Variants in MCM3AP observed in about 807,000 individuals in gnomAD.
MCM3AP encodes minichromosome maintenance complex component 3 associated protein, also known as germinal-center associated nuclear protein.
Under a neutral mutation model 184.1 loss-of-function variants are expected in MCM3AP, and 126 were observed. The ratio of observed to expected loss-of-function variants is 0.68; its 90% CI spans 0.59 to 0.79. The LOEUF (loss-of-function observed/expected upper bound fraction) is 0.79. Ranked by LOEUF, MCM3AP falls within the 30% of genes least tolerant of loss-of-function variation. MCM3AP has a pLI of 0.00. For synonymous variants in MCM3AP, 1,002 were observed against 979.3 expected, an observed-to-expected ratio of 1.02 and a Z score of -0.43; for missense variants, 2,496 against 2,479.2, an observed-to-expected ratio of 1.01 and a Z score of -0.14.
chr21:46,264,156 A>G lies in MCM3AP; in HGVS notation c.3296T>C (p.Val1099Ala), dbSNP rs2081077653. The change falls in exon 13 of 28, where the codon GTT (valine) becomes GCT (alanine). Residue 1099 changes from valine to alanine, a missense_variant. By Grantham distance (64) the Val-to-Ala change is moderately conservative. This residue lies in a region of MCM3AP where 1,323 missense variants were observed against 1,273.4 expected (regional missense o/e 1.04). Coordinates refer to ENST00000291688, the MANE Select transcript of MCM3AP (RefSeq NM_003906.5). Reference sequence around the variant, plus strand: ...TGCGTAGGCAGCACCCGCAGAGCCAACTTCCTCACAGTCCCTCTGCAGGGC... The same window carrying G: ...TGCGTAGGCAGCACCCGCAGAGCCAGCTTCCTCACAGTCCCTCTGCAGGGC... ...QEALQRDCEEVGSAGAAYAAA... is the reference protein window; with the variant it reads ...QEALQRDCEEAGSAGAAYAAA... 1.2e-6 allele frequency: 2 copies of G among 1,613,846 alleles called. No homozygotes were observed. Among genetic ancestry groups the G allele is most frequent in the Middle Eastern group, 1.7e-4 (1 of 6,042 alleles).
chr21:46,244,944 G>A lies in MCM3AP; in HGVS notation c.4901C>T (p.Pro1634Leu), dbSNP rs1407151353. ...CCCTGCCTCAGCAAACTCAGTGACA[G>A]GCCAGGACAGGTCACACAGCTGTTC... is the stretch of plus-strand genomic sequence containing the variant. ...SSEQLCDLSW[P>L]VTEFAEAGGS... The change falls in exon 23 of 28, where the codon CCT becomes CTT. Residue 1634 changes from proline to leucine, a missense_variant. Pro to Leu is a moderately conservative substitution (Grantham distance 98). Around this residue, in one of 5 missense-constraint regions of MCM3AP, gnomAD observed 1,323 missense variants for 1,273.4 expected, o/e 1.04. Transcript: ENST00000291688. 1.9e-6 allele frequency: 3 copies of A among 1,614,106 alleles called. No homozygotes were observed. The highest frequency in any genetic ancestry group is 2.5e-6 in the Non-Finnish European group (3 of 1,180,060).
rs1331635634 is a variant in MCM3AP, at chr21:46,266,134, T to C, written c.2822A>G (p.Glu941Gly). Reference protein sequence around the residue: ...CVELNRSAFLEPEGLSKTRKS... With the variant: ...CVELNRSAFLGPEGLSKTRKS... ...CCTGGTCTTGGATAATCCCTCTGGT[T>C]CCAGGAATGCAGACCGGTTCAGCTC... Residue 941 changes from glutamate (E) to glycine (G), a missense_variant, in exon 11 of 28, where the codon GAA becomes GGA. Around this residue, in one of 5 missense-constraint regions of MCM3AP, gnomAD observed 138 missense variants for 191.9 expected, o/e 0.72. Transcript: ENST00000291688. 1 of 1,611,468 alleles carries C rather than the reference T, an allele frequency of 6.2e-7. No individual in the cohort carries two copies. Among genetic ancestry groups the C allele is most frequent in the South Asian group, 1.1e-5 (1 of 89,934 alleles).
intron 12 of MCM3AP, 43 bp downstream of exon 12, chr21:46,265,272 CGCACAA>C: frequency 6.4e-7 from 1 of 1,568,106 alleles, no homozygotes; most frequent in Non-Finnish European, 8.8e-7. Flanking sequence ...AGGACGTTTG[CGCACAA>C]TGGGCTTCCC....
chr21:46,281,401 T>A (rs1436602499), intron 2 of MCM3AP, among the ~76,000 whole-genome samples: 3 of 152,234 alleles, frequency 2.0e-5, no homozygotes, highest in African/African-American at 7.2e-5. Context: ...GAGATGAGGA[T>A]ATTCAGTTTT....
intron 4 of MCM3AP, among the ~76,000 whole-genome samples, chr21:46,278,594 C>T (rs2081283518): frequency 2.6e-5 from 4 of 152,192 alleles, no homozygotes; most frequent in South Asian, 4.1e-4. Context: ...TGCCGGTTAA[C>T]ACAACTAACA....
intron 24 of MCM3AP, 168 bp from the exon 25 acceptor site, chr21:46,243,099 G>C: frequency 3.1e-6 from 2 of 650,692 alleles, no homozygotes; most frequent in Non-Finnish European, 5.1e-6. Context: ...TTTGATTAAA[G>C]TCACACAATT....
chr21:46,284,292 G>A lies in MCM3AP; in HGVS notation c.995C>T (p.Pro332Leu), dbSNP rs1265573410. 3.1e-6 allele frequency: 5 copies of A among 1,614,094 alleles called. No individual in the cohort carries two copies. The African/African-American group carries it at 5.3e-5, about 17-fold the overall frequency. Residue 332 changes from proline (P) to leucine (L), a missense_variant, in exon 1 of 28, where the codon CCC becomes CTC. Around this residue, in one of 5 missense-constraint regions of MCM3AP, gnomAD observed 800 missense variants for 717.1 expected, o/e 1.12. Coordinates refer to ENST00000291688, the MANE Select transcript of MCM3AP (RefSeq NM_003906.5). ...PDKRPVRLNR[P>L]RGGTLFGRTI... is the part of the protein sequence containing the mutation. ...CCGACCAAATAAAGTACCTCCCCGG[G>A]GTCGATTCAGGCGGACAGGTCGTTT... is the stretch of plus-strand genomic sequence containing the variant.
At chr21:46,246,505 T>A in intron 21 of MCM3AP, 101 bp from the exon 22 acceptor site, 1 of 1,428,624 alleles carries the variant, frequency 7.0e-7, no homozygotes, top group Non-Finnish European at 9.9e-7. Flanking sequence ...CAGTGGACAG[T>A]CACCACAGGG....
chr21:46,254,583 C>T (rs903539037), intron 18 of MCM3AP, 57 bp from the exon 19 acceptor site: 2 of 1,599,246 alleles, frequency 1.3e-6, no homozygotes, highest in African/African-American at 2.7e-5. Flanking sequence ...GCAGGAGCAG[C>T]ACACACATCC....
At chr21:46,253,742 C>T (rs1294013622) in intron 19 of MCM3AP, 1 of 152,566 alleles carries the variant, frequency 6.6e-6, no homozygotes, top group Admixed American at 6.5e-5. Flanking sequence ...TGTGTGGCAA[C>T]TCACCCTCGC....
At chr21:46,280,267 A>AT in intron 3 of MCM3AP, 130 bp from the exon 4 acceptor site, 1 of 1,091,280 alleles carries the variant, frequency 9.2e-7, no homozygotes, top group South Asian at 1.3e-5. Flanking sequence ...GCCCAAGGAA[A>AT]TAACTGTGAG....
intron 26 of MCM3AP, among the ~76,000 whole-genome samples, 182 bp from the exon 27 acceptor site, chr21:46,237,161 G>A (rs2080554197): frequency 1.4e-5 from 2 of 146,742 alleles, no homozygotes. Context: ...GAGTGCAGTG[G>A]CATAATCTCG....
chr21:46,237,074 C>T, intron 26 of MCM3AP, 95 bp from the exon 27 acceptor site: 1 of 574,594 alleles, frequency 1.7e-6, no homozygotes, highest in Non-Finnish European at 2.6e-6. Context: ...ACTTTTTAAG[C>T]CTTTGCTTTT....
At chr21:46,271,400 C>T (rs34358516) in intron 8 of MCM3AP, among the ~76,000 whole-genome samples, 20,301 of 150,756 alleles carry the variant, frequency 0.13, 1,401 homozygotes, top group South Asian at 0.19. Flanking sequence ...ATGATCACAG[C>T]TTACTGCAGC....
intron 25 of MCM3AP, 35 bp from the exon 26 acceptor site, chr21:46,241,052 G>T: frequency 6.8e-7 from 1 of 1,464,478 alleles, no homozygotes; most frequent in Non-Finnish European, 9.5e-7. Flanking sequence ...TTATGGTCAA[G>T]AGAAAATATT....
chr21:46,273,079 G>A (rs1249188669), intron 7 of MCM3AP, among the ~76,000 whole-genome samples: 1 of 151,978 alleles, frequency 6.6e-6, no homozygotes, highest in African/African-American at 2.4e-5. Context: ...CCAGGTTCAA[G>A]CAATTCTGCT....
Position 46,272,731 on chromosome 21 carries a change from C to T in MCM3AP, c.2295G>A (p.Glu765=), listed in dbSNP as rs2081197303. 6.2e-7 allele frequency: 1 copy of T among 1,614,136 alleles called. No individual in the cohort carries two copies. The highest frequency in any genetic ancestry group is 1.3e-5 in the African/African-American group (1 of 75,034). The change falls in exon 8 of 28, where the codon GAG becomes GAA. Residue 765 remains glutamate, a synonymous_variant. Coordinates refer to ENST00000291688, the MANE Select transcript of MCM3AP (RefSeq NM_003906.5). The stretch of plus-strand genomic sequence containing the variant: ...TCTTGGCATCAAAGGAGGACATGGG[C>T]TCCTCACACATGAAGTGGGCACAGT... ...HIHCAHFMCE[E]PMSSFDAKIN...
At chr21:46,280,229 T>G in intron 3 of MCM3AP, 92 bp from the exon 4 acceptor site, 1 of 1,380,434 alleles carries the variant, frequency 7.2e-7, no homozygotes, top group South Asian at 1.2e-5. Context: ...GTAATATTAT[T>G]TTCATTGTCA....
chr21:46,266,804 A>ATT, intron 10 of MCM3AP, 178 bp downstream of exon 10: 1 of 641,656 alleles, frequency 1.6e-6, no homozygotes, highest in Non-Finnish European at 2.6e-6. Context: ...ATGTGCTGAC[A>ATT]GCCAGGATGT....
Sources: allele counts gnomAD v4.1 joint callset (sites outside exome capture counted in the v4.1 genomes callset), GRCh38; gene constraint gnomAD v4.1.1; regional missense constraint gnomAD v4.1.1; transcripts MANE v1.5; gene names NCBI Gene and HGNC (gene_info 2026-07-23, HGNC 2026-07-21).